Variants in CDH12 observed in about 807,000 individuals in gnomAD.
CDH12 encodes cadherin-12.
CDH12 carries 41 observed loss-of-function variants against 74.1 expected under a neutral mutation model. That is an observed-to-expected ratio of 0.55 (90% CI 0.43 to 0.72). The LOEUF is 0.72. Among genes scored for constraint, CDH12 ranks in the 30% least tolerant of loss-of-function variants. The pLI is 0.00. For missense variants in CDH12, 945 were observed against 977.2 expected (o/e 0.97, Z 0.44); for synonymous variants, 399 against 355.0 (o/e 1.12, Z -1.39).
chr5:21,796,806 A>G (rs1463197376), intron 10 of CDH12, among the ~76,000 whole-genome samples: 16 of 152,124 alleles, frequency 1.1e-4, no homozygotes, highest in Admixed American at 9.2e-4. Context: ...AAAGTAAATA[A>G]TATCTTTCAG....
At chr5:22,038,959 G>A (rs1014369611) in intron 5 of CDH12, among the ~76,000 whole-genome samples, 15 of 152,098 alleles carry the variant, frequency 9.9e-5, no homozygotes, top group Admixed American at 7.2e-4. Context: ...GATGCTGAAC[G>A]TCATTCTTCC....
At chr5:22,833,760 C>A (rs1736714446) in intron 1 of CDH12, among the ~76,000 whole-genome samples, 1 of 152,098 alleles carries the variant, frequency 6.6e-6, no homozygotes, top group African/African-American at 2.4e-5. Context: ...TTGTAACAGT[C>A]ATTTGATTAA....
chr5:22,582,753 A>G (rs1343430417), intron 1 of CDH12, among the ~76,000 whole-genome samples: 2 of 152,280 alleles, frequency 1.3e-5, no homozygotes, highest in African/African-American at 4.8e-5. Context: ...CATACTACTG[A>G]ATCCTGAGTC....
chr5:22,363,079 TA>T (rs1259172985), intron 3 of CDH12, among the ~76,000 whole-genome samples: 2 of 151,868 alleles, frequency 1.3e-5, no homozygotes, highest in African/African-American at 4.8e-5. Flanking sequence ...CTTATAATAA[TA>T]AAAAAACAAA....
At chr5:22,785,579 G>A (rs976676745) in intron 1 of CDH12, among the ~76,000 whole-genome samples, 8 of 152,016 alleles carry the variant, frequency 5.3e-5, no homozygotes, top group African/African-American at 1.9e-4. Context: ...GAATGCAGTG[G>A]TGCAATCACA....
rs112542108 is a variant in CDH12 at position 22,433,776 on chromosome 5, G to A, written c.-427-28425C>T. 6.3e-3 allele frequency among the ~76,000 whole-genome samples: 958 copies of A among 152,274 alleles called. 10 individuals are homozygous for A. Among genetic ancestry groups the A allele is most frequent in the African/African-American group, 0.022 (916 of 41,560 alleles). On this transcript the variant is annotated intron_variant, in intron 2 of 14. Coordinates refer to ENST00000382254, the MANE Select transcript of CDH12 (RefSeq NM_004061.5). ...TTCAAACACAGGCAAGCTGGCTGCA[G>A]TGTGAATGCCCTTCAACTATGTGTG...
chr5:22,260,639 G>A (rs1753471104), intron 3 of CDH12, among the ~76,000 whole-genome samples: 1 of 151,958 alleles, frequency 6.6e-6, no homozygotes, highest in South Asian at 2.1e-4. Flanking sequence ...TACCAGCACA[G>A]AGTTAGTTTT....
intron 5 of CDH12, among the ~76,000 whole-genome samples, chr5:22,067,374 C>A (rs1225396361): frequency 1.3e-5 from 2 of 152,150 alleles, no homozygotes; most frequent in African/African-American, 4.8e-5. Flanking sequence ...TGCATGTGGT[C>A]CCTCCTACAA....
At chr5:22,444,695 G>A (rs1033885055) in intron 2 of CDH12, among the ~76,000 whole-genome samples, 5 of 151,616 alleles carry the variant, frequency 3.3e-5, no homozygotes, top group African/African-American at 7.3e-5. Flanking sequence ...TGAACTCAGC[G>A]GTATATATTG....
At chr5:22,675,719 T>C (rs1741133851) in intron 1 of CDH12, among the ~76,000 whole-genome samples, 1 of 151,972 alleles carries the variant, frequency 6.6e-6, no homozygotes, top group African/African-American at 2.4e-5. Flanking sequence ...ACCATGATTG[T>C]GGAGCCTCCC....
chr5:22,101,902 C>T lies in CDH12; in HGVS notation c.-186-23040G>A, dbSNP rs551815101. Among the ~76,000 whole-genome samples, 7 of 152,230 alleles carry T rather than the reference C, an allele frequency of 4.6e-5. No homozygotes were observed. The South Asian group carries it at 1.5e-3, about 32-fold the overall frequency. On this transcript the variant is annotated intron_variant, in intron 4 of 14. Coordinates refer to ENST00000382254, the MANE Select transcript of CDH12 (RefSeq NM_004061.5). ...GCTTAAGGTCTCTGTCGCAACTATT[C>T]AACTCTGCCATTGTAGCTCACAAGA...
chr5:22,832,104 T>C (rs760776944), intron 1 of CDH12, among the ~76,000 whole-genome samples: 1 of 152,106 alleles, frequency 6.6e-6, no homozygotes, highest in Non-Finnish European at 1.5e-5. Context: ...ATAAATCATA[T>C]CTAAAAGGAT....
At chr5:22,076,826 A>G (rs1742346662) in intron 5 of CDH12, among the ~76,000 whole-genome samples, 1 of 152,064 alleles carries the variant, frequency 6.6e-6, no homozygotes, top group Admixed American at 6.6e-5. Flanking sequence ...TGGCAATGTG[A>G]TCTGAGAAGG....
At chr5:22,550,770 T>C (rs892752867) in intron 1 of CDH12, among the ~76,000 whole-genome samples, 3 of 152,200 alleles carry the variant, frequency 2.0e-5, no homozygotes, top group African/African-American at 7.2e-5. Flanking sequence ...TTGTTGTCTT[T>C]CCTTTGCAAT....
At chr5:22,823,903 C>T (rs573441800) in intron 1 of CDH12, among the ~76,000 whole-genome samples, 6 of 152,222 alleles carry the variant, frequency 3.9e-5, no homozygotes, top group African/African-American at 1.2e-4. Context: ...TTATAAACTA[C>T]CCAGTCTCAG....
intron 6 of CDH12, among the ~76,000 whole-genome samples, chr5:21,948,055 C>T (rs1265812213): frequency 6.6e-6 from 1 of 152,196 alleles, no homozygotes; most frequent in Non-Finnish European, 1.5e-5. Flanking sequence ...CTAGATTTCA[C>T]AGGTTGTATG....
At chr5:22,122,395 T>G (rs1561134700) in intron 4 of CDH12, among the ~76,000 whole-genome samples, 1 of 152,088 alleles carries the variant, frequency 6.6e-6, no homozygotes, top group Non-Finnish European at 1.5e-5. Flanking sequence ...AGAGTGAGAC[T>G]CCATCTCACA....
intron 1 of CDH12, among the ~76,000 whole-genome samples, chr5:22,680,934 T>C (rs1032761216): frequency 9.2e-5 from 14 of 152,100 alleles, no homozygotes; most frequent in Non-Finnish European, 1.2e-4. Flanking sequence ...CTCTGATATT[T>C]AGGAAGCATG....
intron 1 of CDH12, among the ~76,000 whole-genome samples, chr5:22,527,170 T>A (rs570602786): frequency 6.6e-6 from 1 of 152,248 alleles, no homozygotes; most frequent in Non-Finnish European, 1.5e-5. Flanking sequence ...TAGGTCCCTT[T>A]GGGAAAGGGT....
Sources: gnomAD v4.1 joint callset for allele counts (sites outside exome capture counted in the v4.1 genomes callset) on GRCh38, gnomAD v4.1.1 for gene constraint, MANE v1.5 for transcripts, NCBI Gene and HGNC (gene_info 2026-07-23, HGNC 2026-07-21) for gene names.